The following TMEM132D variants were observed in gnomAD, a reference collection of about 807,000 sequenced individuals.
TMEM132D encodes mature OL transmembrane protein.
A neutral mutation model predicts 62.3 loss-of-function variants in TMEM132D; 21 were observed. The ratio of observed to expected loss-of-function variants is 0.34; its 90% confidence interval spans 0.24 to 0.49. The LOEUF is 0.49. TMEM132D is among the 20% of genes least tolerant of loss of function. The pLI is 0.99. For missense variants in TMEM132D, 1,346 were observed against 1,402.8 expected, an observed-to-expected ratio of 0.96 and a Z score of 0.65; for synonymous variants, 621 against 575.6, an observed-to-expected ratio of 1.08 and a Z score of -1.13.
intron 1 of TMEM132D, among the ~76,000 whole-genome samples, chr12:129,875,219 G>A (rs1384846214): frequency 3.3e-5 from 5 of 152,330 alleles, no homozygotes; most frequent in African/African-American, 7.2e-5. Context: ...GACAAAGTGC[G>A]CAAGGTCGTG....
intron 4 of TMEM132D, among the ~76,000 whole-genome samples, chr12:129,251,357 CAAAAAAAAAAA>C (rs59666716): frequency 1.0e-4 from 8 of 79,782 alleles, no homozygotes; most frequent in Admixed American, 5.7e-4. Context: ...GACACTGTCT[CAAAAAAAAAAA>C]AAAAAAAAAA....
At chr12:129,285,563 T>C (rs1482904266) in intron 4 of TMEM132D, among the ~76,000 whole-genome samples, 1 of 136,336 alleles carries the variant, frequency 7.3e-6, no homozygotes, top group African/African-American at 2.7e-5. Context: ...GAGGCTCCCA[T>C]TATCATCCCA....
At chr12:129,899,664 T>C (rs1875286425) in intron 1 of TMEM132D, among the ~76,000 whole-genome samples, 2 of 152,242 alleles carry the variant, frequency 1.3e-5, no homozygotes, top group Admixed American at 6.5e-5. Context: ...TTTTGTTGTT[T>C]ACTCATTTTT....
At chr12:129,654,699 A>C (rs758242751) in intron 2 of TMEM132D, among the ~76,000 whole-genome samples, 1 of 152,146 alleles carries the variant, frequency 6.6e-6, no homozygotes, top group Non-Finnish European at 1.5e-5. Flanking sequence ...GAAAGTACAC[A>C]ACCTCCCAAG....
chr12:129,219,440 G>C (rs1879295327), intron 4 of TMEM132D, among the ~76,000 whole-genome samples: 1 of 152,134 alleles, frequency 6.6e-6, no homozygotes, highest in African/African-American at 2.4e-5. Context: ...TAATATGTCA[G>C]GGAATGACAA....
chr12:129,273,661 C>T (rs1880921294), intron 4 of TMEM132D, among the ~76,000 whole-genome samples: 1 of 151,768 alleles, frequency 6.6e-6, no homozygotes, highest in Non-Finnish European at 1.5e-5. Flanking sequence ...CCAATTAATG[C>T]ATGAACGAAA....
At chr12:129,626,684 G>A (rs567388834) in intron 2 of TMEM132D, among the ~76,000 whole-genome samples, 31 of 152,220 alleles carry the variant, frequency 2.0e-4, no homozygotes, top group African/African-American at 7.2e-4. Flanking sequence ...CTCAACTCCT[G>A]CCCTCAAGTG....
intron 3 of TMEM132D, among the ~76,000 whole-genome samples, chr12:129,378,364 G>A (rs959568795): frequency 5.3e-5 from 8 of 152,132 alleles, no homozygotes; most frequent in African/African-American, 1.9e-4. Flanking sequence ...CAGCTCTCTG[G>A]GAGCAGTTTC....
intron 1 of TMEM132D, among the ~76,000 whole-genome samples, chr12:129,850,903 C>T (rs1195456075): frequency 6.6e-6 from 1 of 152,196 alleles, no homozygotes; most frequent in African/African-American, 2.4e-5. Context: ...AAAGAAAAAG[C>T]TCACCAAAAA....
At chr12:129,335,684 A>C (rs1241079487) in intron 4 of TMEM132D, among the ~76,000 whole-genome samples, 2 of 152,124 alleles carry the variant, frequency 1.3e-5, no homozygotes, top group Admixed American at 1.3e-4. Flanking sequence ...AGTGGAAATA[A>C]AGGAGAATTG....
At chr12:129,366,448 C>T (rs879650189) in intron 3 of TMEM132D, among the ~76,000 whole-genome samples, 2 of 152,180 alleles carry the variant, frequency 1.3e-5, no homozygotes, top group Non-Finnish European at 2.9e-5. Context: ...GCCTGCTTCC[C>T]CTTCACCTTC....
At chr12:129,267,390 A>G (rs1413322143) in intron 4 of TMEM132D, among the ~76,000 whole-genome samples, 3 of 148,202 alleles carry the variant, frequency 2.0e-5, no homozygotes, top group Non-Finnish European at 4.4e-5. Context: ...CACACCAATA[A>G]CAAACAAACA....
intron 4 of TMEM132D, among the ~76,000 whole-genome samples, chr12:129,233,699 T>C (rs1019637110): frequency 1.3e-5 from 2 of 152,178 alleles, no homozygotes; most frequent in Non-Finnish European, 2.9e-5. Flanking sequence ...TGATCTCAGC[T>C]CACTGCAACC....
At chr12:129,101,256 G>A (rs1360321275) in intron 5 of TMEM132D, among the ~76,000 whole-genome samples, 5 of 152,206 alleles carry the variant, frequency 3.3e-5, no homozygotes, top group African/African-American at 1.2e-4. Flanking sequence ...AAACAGCCCC[G>A]TGCAGCTTCT....
chr12:129,843,843 C>T (rs1033997524), intron 1 of TMEM132D, among the ~76,000 whole-genome samples: 22 of 152,096 alleles, frequency 1.4e-4, no homozygotes, highest in African/African-American at 5.3e-4. Context: ...AATTCCAGCA[C>T]CTTGAGAGGC....
intron 2 of TMEM132D, among the ~76,000 whole-genome samples, chr12:129,694,871 G>A (rs1881160127): frequency 6.6e-6 from 1 of 152,132 alleles, no homozygotes; most frequent in Non-Finnish European, 1.5e-5. Context: ...AGCCAGGCAT[G>A]GCGATGTGAG....
intron 3 of TMEM132D, among the ~76,000 whole-genome samples, chr12:129,388,146 G>A (rs1172851361): frequency 3.3e-3 from 369 of 111,362 alleles, no homozygotes; most frequent in Middle Eastern, 4.9e-3. Context: ...ACACTAACAT[G>A]AGTCCTAATA....
Position 129,720,154 on chromosome 12 carries a change from C to T in TMEM132D, c.80-19456G>A, listed in dbSNP as rs75947269. Among the ~76,000 whole-genome samples, 1,048 of 152,242 alleles carry T rather than the reference C, an allele frequency of 6.9e-3. 11 individuals are homozygous for T. Among genetic ancestry groups the T allele is most frequent in the African/African-American group, 0.024 (995 of 41,542 alleles). On this transcript the variant is annotated intron_variant, in intron 1 of 8. Coordinates refer to ENST00000422113, the MANE Select transcript of TMEM132D (RefSeq NM_133448.3). ...AAAACCTTGCACGCAGGAATGGTGT[C>T]TTTCCCTGGTGTCAGGCTAATTACA...
At chr12:129,151,373 G>A (rs541447431) in intron 5 of TMEM132D, among the ~76,000 whole-genome samples, 1 of 152,294 alleles carries the variant, frequency 6.6e-6, no homozygotes, top group South Asian at 2.1e-4. Context: ...CTTATTCTGG[G>A]TTAGATACCC....
Sources: gnomAD v4.1 joint callset for allele counts (sites outside exome capture counted in the v4.1 genomes callset) on GRCh38, gnomAD v4.1.1 for gene constraint, MANE v1.5 for transcripts, NCBI Gene and HGNC (gene_info 2026-07-23, HGNC 2026-07-21) for gene names.